TNC: variants seen among roughly 807,000 people sequenced by gnomAD.
TNC encodes tenascin.
TNC carries 109 observed loss-of-function variants against 202.4 expected under a neutral mutation model. That is an observed-to-expected ratio of 0.54 (90% CI 0.46 to 0.63). The LOEUF (loss-of-function observed/expected upper bound fraction) is 0.63, where lower values mean the gene tolerates loss of function less well. TNC is among the 30% of genes least tolerant of loss of function. The pLI is 0.00. For synonymous variants in TNC, 1,007 were observed against 1,089.7 expected (o/e 0.92, Z 1.50); for missense variants, 2,756 against 2,833.3 (o/e 0.97, Z 0.62).
At chr9:115,075,205 A>G (rs962343038) in intron 9 of TNC, among the ~76,000 whole-genome samples, 1 of 151,390 alleles carries the variant, frequency 6.6e-6, no homozygotes, top group Non-Finnish European at 1.5e-5. Context: ...AGAAAAATGG[A>G]AAAAAAAATC....
chr9:115,023,649 T>C (rs1250674922), intron 27 of TNC, among the ~76,000 whole-genome samples: 1 of 152,366 alleles, frequency 6.6e-6, no homozygotes, highest in East Asian at 1.9e-4. Context: ...TCATCAACCC[T>C]GCTTCACCTA....
At chr9:115,030,726 A>G (rs1829882765) in intron 23 of TNC, among the ~76,000 whole-genome samples, 1 of 152,186 alleles carries the variant, frequency 6.6e-6, no homozygotes, top group Admixed American at 6.5e-5. Context: ...CATCTGGCAT[A>G]AGATCTGGCA....
chr9:115,115,909 T>C (rs10982545), intron 1 of TNC, among the ~76,000 whole-genome samples: 1,591 of 152,358 alleles, frequency 0.01, 49 homozygotes, highest in East Asian at 0.1. Flanking sequence ...ATTCATGTAA[T>C]GAATATTTTC....
chr9:115,024,349 G>A (rs1377329761), intron 26 of TNC, among the ~76,000 whole-genome samples: 1 of 152,208 alleles, frequency 6.6e-6, no homozygotes, highest in Admixed American at 6.5e-5. Context: ...AATGTGGTGG[G>A]AAGAGGGCTG....
intron 14 of TNC, among the ~76,000 whole-genome samples, chr9:115,057,915 G>A (rs1198831858): frequency 6.6e-6 from 1 of 152,352 alleles, no homozygotes; most frequent in Admixed American, 6.5e-5. Flanking sequence ...TAATTCTGAT[G>A]CCATTACCTT....
intron 20 of TNC, 88 bp from the exon 21 acceptor site, chr9:115,036,329 G>A (rs931443537): frequency 1.5e-5 from 21 of 1,446,282 alleles, no homozygotes; most frequent in Admixed American, 5.7e-5. Flanking sequence ...CACCTCCTTC[G>A]AACATCGAAA....
At chr9:115,114,750 G>A (rs563159737) in intron 1 of TNC, among the ~76,000 whole-genome samples, 2 of 152,348 alleles carry the variant, frequency 1.3e-5, no homozygotes, top group African/African-American at 4.8e-5. Flanking sequence ...GTATTAGTTA[G>A]AAAGCTTGGG....
intron 26 of TNC, among the ~76,000 whole-genome samples, chr9:115,025,609 T>C (rs1395528835): frequency 6.6e-6 from 1 of 152,072 alleles, no homozygotes; most frequent in African/African-American, 2.4e-5. Context: ...GCAGCCAGGA[T>C]TGCATCCACC....
chr9:115,079,099 G>A (rs1464945151), intron 6 of TNC, among the ~76,000 whole-genome samples: 2 of 152,066 alleles, frequency 1.3e-5, no homozygotes, highest in African/African-American at 2.4e-5. Context: ...ACAGATTTCT[G>A]TACAGTTTGA....
chr9:115,108,305 G>T (rs1449091988), intron 1 of TNC, among the ~76,000 whole-genome samples: 4 of 152,164 alleles, frequency 2.6e-5, no homozygotes, highest in African/African-American at 9.7e-5. Context: ...ATGTCCTATG[G>T]TCAGGTATGT....
Position 115,086,990 on chromosome 9 carries a change from G to A in TNC, c.741C>T (p.Cys247=). ...ICFEGYAGAD[C]SREICPVPCS... ...AGGGCACTGGGCAGATTTCACGGCT[G>A]CAGTCAGCCCCGGCGTAGCCTTCGA... is the stretch of plus-strand genomic sequence containing the variant. Residue 247 remains cysteine (C), a synonymous_variant, in exon 3 of 28, where the codon TGC becomes TGT. Coordinates refer to ENST00000350763, the MANE Select transcript of TNC (RefSeq NM_002160.4). 6.2e-7 allele frequency: 1 copy of A among 1,614,202 alleles called. No homozygotes were observed. Among genetic ancestry groups the A allele is most frequent in the Non-Finnish European group, 8.5e-7 (1 of 1,180,044 alleles).
At chr9:115,034,765 G>A (rs981420405) in intron 22 of TNC, among the ~76,000 whole-genome samples, 3 of 152,104 alleles carry the variant, frequency 2.0e-5, no homozygotes, top group Non-Finnish European at 4.4e-5. Flanking sequence ...CTTGGGTAGC[G>A]AATATAAATA....
intron 1 of TNC, among the ~76,000 whole-genome samples, chr9:115,101,948 C>T (rs752386682): frequency 2.2e-4 from 33 of 152,134 alleles, no homozygotes; most frequent in Admixed American, 1.0e-3. Context: ...ATCATCATCA[C>T]CATCATAAGT....
At chr9:115,067,667 A>G (rs1469564948) in intron 10 of TNC, among the ~76,000 whole-genome samples, 1 of 152,104 alleles carries the variant, frequency 6.6e-6, no homozygotes, top group Non-Finnish European at 1.5e-5. Flanking sequence ...TTTGAATCGG[A>G]TATTTAGTAT....
At chr9:115,050,854 A>G (rs1020906817) in intron 15 of TNC, among the ~76,000 whole-genome samples, 3 of 152,228 alleles carry the variant, frequency 2.0e-5, no homozygotes, top group Non-Finnish European at 2.9e-5. Flanking sequence ...AAACAAGTTA[A>G]GAACTTGCTA....
At chr9:115,052,896 G>T (rs998676779) in intron 15 of TNC, 3 of 702,612 alleles carry the variant, frequency 4.3e-6, no homozygotes, top group African/African-American at 1.7e-5. Flanking sequence ...TGCAGTGAGT[G>T]AGCGTCACTC....
At position 115,090,724 on chromosome 9, in the gene TNC, C is replaced by G. The variant is rs1272650479; in HGVS notation, c.295G>C (p.Val99Leu). 4 of 1,614,218 alleles carry G rather than the reference C, an allele frequency of 2.5e-6. No homozygotes were observed. Among genetic ancestry groups the G allele is most frequent in the Non-Finnish European group, 8.5e-7 (1 of 1,180,034 alleles). ...EHTVDGENQIVFTHRINIPRR... is the reference protein window; with the variant it reads ...EHTVDGENQILFTHRINIPRR... The stretch of plus-strand genomic sequence containing the variant: ...GGGATGTTGATGCGATGTGTGAAGA[C>G]AATCTGGTTTTCCCCATCCACTGTG... Residue 99 changes from valine (V) to leucine (L), a missense_variant, in exon 2 of 28, where the codon GTC (valine) becomes CTC (leucine). Coordinates refer to ENST00000350763, the MANE Select transcript of TNC (RefSeq NM_002160.4).
rs767212994 is a variant in TNC, at chr9:115,082,746, C to T, written c.2193G>A (p.Glu731=). Residue 731 remains glutamate, a synonymous_variant, in exon 5 of 28, where the codon GAG becomes GAA. Transcript: ENST00000350763. ...CAAAAGCAATGTCTAGAGGATCCCA[C>T]TCCACTTCCACAGATGTCTCCTTGA... ...KSIKETSVEV[E]WDPLDIAFET... The T allele has an allele frequency of 6.2e-7, 1 of 1,614,212 alleles. No homozygotes were observed. Among genetic ancestry groups the T allele is most frequent in the Non-Finnish European group, 8.5e-7 (1 of 1,180,038 alleles).
intron 26 of TNC, among the ~76,000 whole-genome samples, chr9:115,026,220 A>AT (rs555770424): frequency 1.3e-4 from 19 of 150,768 alleles, no homozygotes; most frequent in East Asian, 3.9e-4. Context: ...CCTTTGGGGA[A>AT]TTTTTTTTTT....
Sources: gnomAD v4.1 joint callset for allele counts (sites outside exome capture counted in the v4.1 genomes callset) on GRCh38, gnomAD v4.1.1 for gene constraint, MANE v1.5 for transcripts, NCBI Gene and HGNC (gene_info 2026-07-23, HGNC 2026-07-21) for gene names.